Variants in LINGO2 observed in about 807,000 individuals in gnomAD.
The protein encoded by LINGO2 is leucine-rich repeat and immunoglobulin-like domain-containing nogo receptor-interacting protein 2.
Under a neutral mutation model 30.6 loss-of-function variants are expected in LINGO2, and 14 were observed. The observed-to-expected ratio is 0.46, with a 90% confidence interval of 0.30 to 0.72. The LOEUF is 0.72. Among genes scored for constraint, LINGO2 ranks in the 30% least tolerant of loss-of-function variants. LINGO2 has a pLI of 0.07. For synonymous variants in LINGO2, 317 were observed against 288.5 expected (o/e 1.10, Z -1.00); for missense variants, 729 against 751.7 (o/e 0.97, Z 0.35).
intron 1 of LINGO2, among the ~76,000 whole-genome samples, chr9:28,510,901 T>C (rs768328511): frequency 1.3e-5 from 2 of 152,110 alleles, no homozygotes; most frequent in East Asian, 1.9e-4. Flanking sequence ...ACTGAAGAAC[T>C]TGGAGTCTGA....
At chr9:29,065,888 A>G in the LINGO2 span, among the ~76,000 whole-genome samples, 1 of 151,812 alleles carries the variant, frequency 6.6e-6, no homozygotes, top group Non-Finnish European at 1.5e-5. Context: ...TTCCACATGT[A>G]TTTTCTACAA....
chr9:28,359,542 AT>A (rs543722296), intron 3 of LINGO2, among the ~76,000 whole-genome samples: 1 of 152,176 alleles, frequency 6.6e-6, no homozygotes, highest in African/African-American at 2.4e-5. Context: ...TCCAAAATAT[AT>A]TTTTAGCATG....
chr9:27,997,019 A>T (rs1216986142), intron 5 of LINGO2, among the ~76,000 whole-genome samples: 2 of 152,208 alleles, frequency 1.3e-5, no homozygotes, highest in East Asian at 3.8e-4. Context: ...AAATTCTCTT[A>T]TGTCAAATTG....
intron 2 of LINGO2, among the ~76,000 whole-genome samples, chr9:28,397,151 T>A: frequency 6.6e-6 from 1 of 152,112 alleles, no homozygotes; most frequent in Non-Finnish European, 1.5e-5. Context: ...AAGAGTTCTA[T>A]CACTTGGCAT....
intron 5 of LINGO2, among the ~76,000 whole-genome samples, chr9:27,992,988 G>A (rs929821658): frequency 6.6e-6 from 1 of 152,068 alleles, no homozygotes; most frequent in East Asian, 1.9e-4. Flanking sequence ...ATATTAACTA[G>A]AATATATTGT....
the LINGO2 span, among the ~76,000 whole-genome samples, chr9:28,736,386 A>G: frequency 3.2e-3 from 483 of 152,300 alleles, 2 homozygotes; most frequent in African/African-American, 0.011. Context: ...TGTGGAAATC[A>G]CAGTCTTTTT....
chr9:28,283,924 T>C (rs1214748190), intron 4 of LINGO2, among the ~76,000 whole-genome samples: 1 of 152,186 alleles, frequency 6.6e-6, no homozygotes, highest in East Asian at 1.9e-4. Context: ...TCTTCAGCAG[T>C]ATGTTAATTT....
chr9:28,365,619 C>T (rs747493003), intron 3 of LINGO2, among the ~76,000 whole-genome samples: 1 of 151,952 alleles, frequency 6.6e-6, no homozygotes, highest in African/African-American at 2.4e-5. Context: ...ACAGGGAACA[C>T]GAAGGAGAAG....
intron 4 of LINGO2, among the ~76,000 whole-genome samples, chr9:28,205,870 C>T (rs1820391145): frequency 6.6e-6 from 1 of 152,104 alleles, no homozygotes; most frequent in African/African-American, 2.4e-5. Flanking sequence ...TGCTGATCTC[C>T]AATCTACTCT....
intron 3 of LINGO2, among the ~76,000 whole-genome samples, chr9:28,326,045 C>G (rs748308815): frequency 9.9e-5 from 15 of 152,270 alleles, no homozygotes; most frequent in South Asian, 4.1e-4. Context: ...CTCGCTCTGT[C>G]GCTTAGGCTG....
chr9:29,057,744 C>T, the LINGO2 span, among the ~76,000 whole-genome samples: 4 of 152,072 alleles, frequency 2.6e-5, no homozygotes, highest in Non-Finnish European at 5.9e-5. Context: ...ACCATGGCTT[C>T]GGATCGAAAG....
At chr9:28,779,155 C>T in the LINGO2 span, among the ~76,000 whole-genome samples, 1 of 152,152 alleles carries the variant, frequency 6.6e-6, no homozygotes, top group South Asian at 2.1e-4. Context: ...AAAAGAATTT[C>T]TAGCTGCCTT....
chr9:28,127,725 A>C (rs188515310), intron 4 of LINGO2, among the ~76,000 whole-genome samples: 1 of 152,196 alleles, frequency 6.6e-6, no homozygotes, highest in Admixed American at 6.5e-5. Flanking sequence ...GATTCTTCAC[A>C]TATTCTTCAC....
At chr9:28,086,505 T>C (rs1825919898) in intron 4 of LINGO2, among the ~76,000 whole-genome samples, 1 of 152,082 alleles carries the variant, frequency 6.6e-6, no homozygotes, top group Non-Finnish European at 1.5e-5. Flanking sequence ...GGCATATCCA[T>C]GTGTGAAAGT....
At chr9:28,252,170 G>A (rs939536055) in intron 4 of LINGO2, among the ~76,000 whole-genome samples, 2 of 151,962 alleles carry the variant, frequency 1.3e-5, no homozygotes, top group African/African-American at 2.4e-5. Context: ...TATTTGCAGT[G>A]GTCTATACAA....
intron 4 of LINGO2, among the ~76,000 whole-genome samples, chr9:28,189,341 A>G (rs866513155): frequency 0.18 from 865 of 4,800 alleles, 80 homozygotes; most frequent in Non-Finnish European, 0.21. Context: ...GGAAGGAAGG[A>G]AGGGAGGAAG....
intron 3 of LINGO2, among the ~76,000 whole-genome samples, chr9:28,340,379 T>A (rs565075369): frequency 9.2e-5 from 14 of 152,298 alleles, no homozygotes; most frequent in Non-Finnish European, 1.6e-4. Flanking sequence ...CATATATGTG[T>A]GCTTCATGGA....
At chr9:28,822,708 C>T in the LINGO2 span, among the ~76,000 whole-genome samples, 17 of 152,258 alleles carry the variant, frequency 1.1e-4, no homozygotes, top group African/African-American at 2.4e-4. Flanking sequence ...TTTGGGACTC[C>T]GACTGGCTCT....
the LINGO2 span, among the ~76,000 whole-genome samples, chr9:28,881,419 G>A: frequency 2.6e-5 from 4 of 151,892 alleles, no homozygotes; most frequent in Admixed American, 6.6e-5. Flanking sequence ...CCACCATGCC[G>A]GTCAGAATAT....
Sources: allele counts gnomAD v4.1 joint callset (sites outside exome capture counted in the v4.1 genomes callset), GRCh38; gene constraint gnomAD v4.1.1; transcripts MANE v1.5; gene names NCBI Gene and HGNC (gene_info 2026-07-23, HGNC 2026-07-21).